The following USP13 variants were observed in gnomAD, a reference collection of about 807,000 sequenced individuals.
USP13 encodes ubiquitin carboxyl-terminal hydrolase 13.
A neutral mutation model predicts 107.8 loss-of-function variants in USP13; 68 were observed. The ratio of observed to expected loss-of-function variants is 0.63; its 90% CI spans 0.52 to 0.77. USP13 has a LOEUF of 0.77. Among genes scored for constraint, USP13 ranks in the 30% least tolerant of loss-of-function variants. The pLI, the probability that USP13 is intolerant of heterozygous loss-of-function variation, is 0.00. For missense variants in USP13, 945 were observed against 1,093.3 expected (o/e 0.86, Z 1.91); for synonymous variants, 377 against 389.5 (o/e 0.97, Z 0.38).
At chr3:179,725,116 G>A (rs987765140) in intron 8 of USP13, among the ~76,000 whole-genome samples, 4 of 152,222 alleles carry the variant, frequency 2.6e-5, no homozygotes, top group Non-Finnish European at 5.9e-5. Context: ...GGAGGCTGAG[G>A]CAGGAGAATT....
At position 179,740,945 on chromosome 3, in the gene USP13, T is replaced by G. The variant is rs531893969; in HGVS notation, c.1380+573T>G. Among the ~76,000 whole-genome samples the G allele has an allele frequency of 3.8e-3, 577 of 152,114 alleles. 4 individuals carry two copies. The highest frequency in any genetic ancestry group is 0.013 in the African/African-American group (553 of 41,488). ...CCACGCCCGGCTAATTTTTGTATTT[T>G]TAGTAGAGATGGGGTTTCACCATGT... is the stretch of plus-strand genomic sequence containing the variant. On this transcript the variant is annotated intron_variant, in intron 11 of 20. Transcript: ENST00000263966.
At chr3:179,761,360 C>G (rs1462609039) in intron 17 of USP13, 105 bp downstream of exon 17, 6 of 1,411,678 alleles carry the variant, frequency 4.3e-6, no homozygotes, top group Non-Finnish European at 5.7e-6. Flanking sequence ...TAGAAAATGA[C>G]TTTATAGTTC....
At chr3:179,689,467 A>AC (rs2108462495) in intron 2 of USP13, among the ~76,000 whole-genome samples, 1 of 151,820 alleles carries the variant, frequency 6.6e-6, no homozygotes, top group African/African-American at 2.4e-5. Flanking sequence ...GACCAGCCTG[A>AC]CCAACACAGT....
intron 20 of USP13, 22 bp from the exon 21 acceptor site, chr3:179,784,026 A>C: frequency 6.3e-7 from 1 of 1,593,862 alleles, no homozygotes; most frequent in South Asian, 1.1e-5. Flanking sequence ...AAATCCATCA[A>C]ATGCTTCTGT....
At position 179,708,835 on chromosome 3, in the gene USP13, C is replaced by G. The variant is rs1198654914; in HGVS notation, c.683C>G (p.Ser228Cys). ...ENLWLNLTDG[S>C]VLCGKWFFDS... ...CTCTGGTTGAATCTGACTGACGGCT[C>G]TGTCCTGTGTGGAAAGTGGTTCTTT... Residue 228 changes from serine to cysteine, a missense_variant, in exon 6 of 21, where the codon TCT (serine) becomes TGT (cysteine). Physicochemically the swap from Ser to Cys is moderately radical, Grantham distance 112 (BLOSUM62 -1). Coordinates refer to ENST00000263966, the MANE Select transcript of USP13 (RefSeq NM_003940.3). The G allele has an allele frequency of 1.2e-6, 2 of 1,614,186 alleles. No individual in the cohort carries two copies. Among genetic ancestry groups the G allele is most frequent in the South Asian group, 1.1e-5 (1 of 91,074 alleles).
At chr3:179,749,877 A>C (rs1714534488) in intron 13 of USP13, among the ~76,000 whole-genome samples, 1 of 152,212 alleles carries the variant, frequency 6.6e-6, no homozygotes, top group Non-Finnish European at 1.5e-5. Flanking sequence ...TTATTGGTTT[A>C]CCAATGTCTT....
chr3:179,679,162 G>A (rs1332058578), intron 1 of USP13, among the ~76,000 whole-genome samples: 1 of 151,656 alleles, frequency 6.6e-6, no homozygotes, highest in African/African-American at 2.4e-5. Context: ...AATCTTTATT[G>A]GAGTTTTAAA....
rs1468325480 is a variant in USP13, at chr3:179,786,355, G to A, written c.*2214G>A. On this transcript the variant is annotated 3_prime_UTR_variant, in exon 21 of 21. Transcript: ENST00000263966. ...TGAAATGTGGACAAAGATAGCATGT[G>A]TATTTTGAATAAAATAAAAATTTTG... The A allele has an allele frequency of 6.6e-6, 1 of 152,198 alleles. No homozygotes were observed. The highest frequency in any genetic ancestry group is 2.4e-5 in the African/African-American group (1 of 41,454). 9.4% of individuals were successfully genotyped at this position (152,198 alleles called of 1,614,324 possible). A position where few individuals can be genotyped will look rare whatever the true frequency, so the allele number is the denominator to read the frequency against.
intron 19 of USP13, among the ~76,000 whole-genome samples, chr3:179,778,480 G>A (rs138270857): frequency 1.3e-5 from 2 of 152,180 alleles, no homozygotes; most frequent in East Asian, 3.9e-4. Context: ...ATGTGACATG[G>A]TGGCTGGGCA....
At chr3:179,722,190 C>T (rs1713349223) in intron 8 of USP13, among the ~76,000 whole-genome samples, 1 of 152,144 alleles carries the variant, frequency 6.6e-6, no homozygotes, top group Non-Finnish European at 1.5e-5. Context: ...TTAATCTTCA[C>T]AGCACATCTG....
chr3:179,773,322 G>A (rs1023733364), intron 19 of USP13, among the ~76,000 whole-genome samples: 3 of 152,190 alleles, frequency 2.0e-5, no homozygotes, highest in South Asian at 2.1e-4. Flanking sequence ...TGAGAACCCA[G>A]TTTTTCTCAC....
chr3:179,673,211 G>C (rs1268966265), intron 1 of USP13, among the ~76,000 whole-genome samples: 1 of 152,198 alleles, frequency 6.6e-6, no homozygotes, highest in Non-Finnish European at 1.5e-5. Flanking sequence ...GAGACTTTAA[G>C]TGGAAGCTGT....
At chr3:179,666,131 A>G (rs1361824377) in intron 1 of USP13, among the ~76,000 whole-genome samples, 1 of 152,122 alleles carries the variant, frequency 6.6e-6, no homozygotes, top group African/African-American at 2.4e-5. Context: ...GCAAGGTTGA[A>G]TCCTCTGTGG....
At position 179,708,837 on chromosome 3, in the gene USP13, G is replaced by C; in HGVS notation, c.685G>C (p.Val229Leu). 1 of 1,614,210 alleles carries C rather than the reference G, an allele frequency of 6.2e-7. No homozygotes were observed. The change falls in exon 6 of 21, where the codon GTC (valine) becomes CTC (leucine). Residue 229 changes from valine (V) to leucine (L), a missense_variant. Transcript: ENST00000263966. ...CTGGTTGAATCTGACTGACGGCTCTGTCCTGTGTGGAAAGTGGTTCTTTGA... is the reference window on the plus strand; with the variant it reads ...CTGGTTGAATCTGACTGACGGCTCTCTCCTGTGTGGAAAGTGGTTCTTTGA... ...NLWLNLTDGS[V>L]LCGKWFFDSS...
At chr3:179,774,648 T>C (rs1715456727) in intron 19 of USP13, among the ~76,000 whole-genome samples, 1 of 152,078 alleles carries the variant, frequency 6.6e-6, no homozygotes, top group Non-Finnish European at 1.5e-5. Context: ...ACCCAAAGGG[T>C]GAGCAGCAGC....
At chr3:179,658,109 C>T (rs576438495) in intron 1 of USP13, among the ~76,000 whole-genome samples, 1 of 152,202 alleles carries the variant, frequency 6.6e-6, no homozygotes, top group Non-Finnish European at 1.5e-5. Context: ...TGCCCACCAC[C>T]ACGCCTGGCT....
chr3:179,763,950 C>CA (rs556912091), intron 17 of USP13, 52 bp from the exon 18 acceptor site: 164,602 of 1,200,692 alleles, frequency 0.14, 460 homozygotes, highest in African/African-American at 0.22. Flanking sequence ...TGTTTCAGGA[C>CA]AAAAAAAAAA....
At chr3:179,774,116 G>C (rs1485106192) in intron 19 of USP13, among the ~76,000 whole-genome samples, 1 of 152,178 alleles carries the variant, frequency 6.6e-6, no homozygotes, top group Non-Finnish European at 1.5e-5. Flanking sequence ...GGCAGAGGAG[G>C]AGCAAGCGTG....
intron 15 of USP13, 39 bp downstream of exon 15, chr3:179,754,893 A>ACC: frequency 6.4e-7 from 1 of 1,566,358 alleles, no homozygotes; most frequent in Non-Finnish European, 8.7e-7. Context: ...CTACCCTCCC[A>ACC]CCCTGTTCTA....
Sources: allele counts gnomAD v4.1 joint callset (sites outside exome capture counted in the v4.1 genomes callset), GRCh38; gene constraint gnomAD v4.1.1; transcripts MANE v1.5; gene names NCBI Gene and HGNC (gene_info 2026-07-23, HGNC 2026-07-21).